Variants in CSMD2 observed in about 807,000 individuals in gnomAD.
CSMD2 encodes CUB and sushi domain-containing protein 2.
Under a neutral mutation model 398.5 loss-of-function variants are expected in CSMD2, and 130 were observed. That is an observed-to-expected ratio of 0.33 (90% CI 0.28 to 0.38). The LOEUF (loss-of-function observed/expected upper bound fraction) is 0.38, where lower values mean the gene tolerates loss of function less well. Among genes scored for constraint, CSMD2 ranks in the 10% least tolerant of loss-of-function variants. CSMD2 has a pLI of 1.00. For missense variants in CSMD2, 3,829 were observed against 4,764.9 expected (o/e 0.80, Z 5.78); for synonymous variants, 1,828 against 1,908.5 (o/e 0.96, Z 1.10).
At chr1:33,700,333 C>T (rs1368261865) in intron 23 of CSMD2, among the ~76,000 whole-genome samples, 184 bp downstream of exon 23, 1 of 152,170 alleles carries the variant, frequency 6.6e-6, no homozygotes, top group South Asian at 2.1e-4. Flanking sequence ...TGGACAAATG[C>T]TATTCCATTG....
chr1:33,579,295 G>A (rs182551844), intron 48 of CSMD2, among the ~76,000 whole-genome samples: 13 of 152,242 alleles, frequency 8.5e-5, no homozygotes, highest in Admixed American at 2.0e-4. Context: ...TCCATCATGC[G>A]GACACTGAAG....
intron 5 of CSMD2, among the ~76,000 whole-genome samples, chr1:33,872,612 T>C (rs918376249): frequency 2.6e-5 from 4 of 152,116 alleles, no homozygotes; most frequent in African/African-American, 9.7e-5. Context: ...GTGGGTTTGT[T>C]TTTTTGTGTA....
intron 25 of CSMD2, among the ~76,000 whole-genome samples, chr1:33,667,417 C>T (rs1644352373): frequency 6.6e-6 from 1 of 152,170 alleles, no homozygotes; most frequent in South Asian, 2.1e-4. Flanking sequence ...AATGAGAATA[C>T]TGAGGCTCTG....
At chr1:33,971,654 T>C (rs1645767338) in intron 3 of CSMD2, among the ~76,000 whole-genome samples, 1 of 152,220 alleles carries the variant, frequency 6.6e-6, no homozygotes, top group Admixed American at 6.5e-5. Context: ...GATTACTTCT[T>C]TGCCTTCTCT....
chr1:33,554,884 A>G (rs1321619386), intron 55 of CSMD2, among the ~76,000 whole-genome samples: 3 of 152,224 alleles, frequency 2.0e-5, no homozygotes, highest in Non-Finnish European at 2.9e-5. Context: ...AGAACTGGAG[A>G]TGTACAGGAA....
intron 3 of CSMD2, among the ~76,000 whole-genome samples, chr1:34,023,106 G>A (rs951597515): frequency 3.9e-5 from 6 of 152,164 alleles, no homozygotes; most frequent in Admixed American, 3.3e-4. Flanking sequence ...AAAGTACTAG[G>A]ATTACAGGTG....
intron 5 of CSMD2, among the ~76,000 whole-genome samples, chr1:33,890,901 T>C (rs1641965474): frequency 6.6e-6 from 1 of 152,152 alleles, no homozygotes; most frequent in Non-Finnish European, 1.5e-5. Context: ...TAATTCAAGA[T>C]GGATTAAAGA....
intron 1 of CSMD2, among the ~76,000 whole-genome samples, chr1:34,160,542 C>T (rs1641238229): frequency 2.0e-5 from 3 of 152,176 alleles, no homozygotes; most frequent in South Asian, 2.1e-4. Context: ...CCTTGACCCC[C>T]GATTTAGTCT....
chr1:33,742,465 C>T (rs1398847979), intron 14 of CSMD2, among the ~76,000 whole-genome samples: 1 of 152,146 alleles, frequency 6.6e-6, no homozygotes, highest in East Asian at 1.9e-4. Context: ...CACCTCCAGC[C>T]TCACTTGACT....
chr1:33,772,510 G>C, intron 13 of CSMD2, 59 bp downstream of exon 13: 1 of 1,527,038 alleles, frequency 6.5e-7, no homozygotes, highest in East Asian at 2.3e-5. Context: ...GATTAGCTAG[G>C]AAACGGGCCC....
intron 25 of CSMD2, among the ~76,000 whole-genome samples, chr1:33,677,710 G>A (rs376507599): frequency 2.6e-5 from 4 of 151,932 alleles, no homozygotes; most frequent in Non-Finnish European, 5.9e-5. Context: ...AACCAACCCA[G>A]ATGTCCAACA....
chr1:33,667,835 G>A (rs376467778), intron 25 of CSMD2, among the ~76,000 whole-genome samples: 9 of 152,100 alleles, frequency 5.9e-5, no homozygotes, highest in African/African-American at 1.2e-4. Context: ...AGCCCCTTTC[G>A]GCACTCATTC....
chr1:33,950,109 C>G (rs1365120389), intron 3 of CSMD2, among the ~76,000 whole-genome samples: 1 of 151,860 alleles, frequency 6.6e-6, no homozygotes, highest in South Asian at 2.1e-4. Flanking sequence ...GGCTCCAGGA[C>G]CAGGCCCTAC....
chr1:33,613,926 C>T (rs1011899356), intron 40 of CSMD2, among the ~76,000 whole-genome samples: 4 of 152,158 alleles, frequency 2.6e-5, no homozygotes, highest in African/African-American at 4.8e-5. Flanking sequence ...GCCTAGCATA[C>T]TCCAGCTCCA....
intron 3 of CSMD2, among the ~76,000 whole-genome samples, chr1:33,966,258 A>G (rs554508576): frequency 8.5e-5 from 13 of 152,178 alleles, no homozygotes; most frequent in Admixed American, 6.5e-5. Flanking sequence ...TTCTAGGCCA[A>G]CCTTGATCTC....
In CSMD2 at chr1:33,516,005, C is replaced by T. The variant is rs983815477; in HGVS notation, c.*619G>A. ...CTGCCCTTGGGGTAATCCTTGCTGCCGCTGTGCAGATGGGCCGTTCATCAG... is the reference window on the plus strand; with the variant it reads ...CTGCCCTTGGGGTAATCCTTGCTGCTGCTGTGCAGATGGGCCGTTCATCAG... On this transcript the variant is annotated 3_prime_UTR_variant, in exon 71 of 71. Transcript: ENST00000373381. 3.3e-5 allele frequency: 5 copies of T among 152,140 alleles called. No homozygotes were observed. Among genetic ancestry groups the T allele is most frequent in the Admixed American group, 1.3e-4 (2 of 15,286 alleles). The allele number at this position is 152,140 out of a possible 1,614,324, so 9.4% of individuals were successfully genotyped here.
At chr1:33,541,088 T>A (rs201185215) in intron 59 of CSMD2, 42 bp downstream of exon 59, 3 of 1,598,156 alleles carry the variant, frequency 1.9e-6, no homozygotes, top group Non-Finnish European at 2.6e-6. Flanking sequence ...CACTTTTGTA[T>A]CTTCTTTGGC....
At chr1:33,604,153 C>T (rs954073691) in intron 42 of CSMD2, among the ~76,000 whole-genome samples, 1 of 152,234 alleles carries the variant, frequency 6.6e-6, no homozygotes, top group African/African-American at 2.4e-5. Flanking sequence ...GAAAGCGCTG[C>T]TCTTTTCTCT....
intron 1 of CSMD2, among the ~76,000 whole-genome samples, chr1:34,121,196 C>G (rs1662149072): frequency 6.6e-6 from 1 of 152,166 alleles, no homozygotes; most frequent in South Asian, 2.1e-4. Flanking sequence ...GGGTTTTCTC[C>G]TATGTTCTTC....
Sources: gnomAD v4.1 joint callset for allele counts (sites outside exome capture counted in the v4.1 genomes callset) on GRCh38, gnomAD v4.1.1 for gene constraint, MANE v1.5 for transcripts, NCBI Gene and HGNC (gene_info 2026-07-23, HGNC 2026-07-21) for gene names.